The following SBF2 variants were observed in gnomAD, a reference collection of about 807,000 sequenced individuals.
The protein encoded by SBF2 is myotubularin-related protein 13.
In SBF2, 112 loss-of-function variants were observed where a neutral mutation model predicts 225.2. The observed-to-expected ratio is 0.50, with a 90% CI of 0.43 to 0.58. SBF2 has a LOEUF of 0.58. Among genes scored for constraint, SBF2 ranks in the 20% least tolerant of loss-of-function variants. The probability of loss-of-function intolerance (pLI) is 0.00; values close to 1 mark genes in which losing one functional copy is unlikely to be tolerated. For synonymous variants in SBF2, 763 were observed against 773.3 expected (o/e 0.99, Z 0.22); for missense variants, 1,996 against 2,206.2 (o/e 0.90, Z 1.91).
chr11:10,057,100 C>T (rs1172959945), intron 2 of SBF2, among the ~76,000 whole-genome samples: 1 of 152,180 alleles, frequency 6.6e-6, no homozygotes, highest in South Asian at 2.1e-4. Flanking sequence ...ACAGCCTTCA[C>T]TGGTGACACT....
intron 13 of SBF2, among the ~76,000 whole-genome samples, chr11:9,978,574 A>T (rs181930927): frequency 1.8e-3 from 279 of 152,306 alleles, no homozygotes; most frequent in Non-Finnish European, 3.0e-3. Flanking sequence ...CTTCACGATG[A>T]TCACTTTTAA....
chr11:10,135,117 C>A (rs1280144922), intron 2 of SBF2, among the ~76,000 whole-genome samples: 1 of 152,224 alleles, frequency 6.6e-6, no homozygotes, highest in East Asian at 1.9e-4. Flanking sequence ...AGGCTCAACA[C>A]CGCGTTGAAG....
intron 26 of SBF2, chr11:9,838,328 AT>A (rs1275204310): frequency 6.6e-6 from 1 of 152,090 alleles, no homozygotes; most frequent in African/African-American, 2.4e-5. Flanking sequence ...ATCTATTAAA[AT>A]TTTATTTTAC....
intron 32 of SBF2, among the ~76,000 whole-genome samples, chr11:9,804,238 G>C (rs1244494982): frequency 6.6e-6 from 1 of 152,160 alleles, no homozygotes; most frequent in Admixed American, 6.5e-5. Flanking sequence ...AAAACGAAAA[G>C]CCTGCATTAC....
At chr11:10,056,758 A>G in intron 2 of SBF2, among the ~76,000 whole-genome samples, 1 of 151,770 alleles carries the variant, frequency 6.6e-6, no homozygotes, top group Non-Finnish European at 1.5e-5. Context: ...CAGCCAACAG[A>G]GAACTGAATT....
chr11:10,134,207 G>A (rs1212836083), intron 2 of SBF2, among the ~76,000 whole-genome samples: 1 of 152,166 alleles, frequency 6.6e-6, no homozygotes, highest in Non-Finnish European at 1.5e-5. Context: ...CAGATCTCAT[G>A]AGACTTATTC....
chr11:10,257,664 CAAAAA>C (rs58743421), intron 1 of SBF2, among the ~76,000 whole-genome samples: 1 of 39,058 alleles, frequency 2.6e-5, no homozygotes, highest in Non-Finnish European at 4.0e-5. Flanking sequence ...GGCCTTGCCT[CAAAAA>C]AAAAAAAAAA....
At chr11:10,200,899 T>C (rs1222545706) in intron 1 of SBF2, among the ~76,000 whole-genome samples, 1 of 152,192 alleles carries the variant, frequency 6.6e-6, no homozygotes, top group Non-Finnish European at 1.5e-5. Context: ...TCATCAATAT[T>C]GGCATAAGTC....
chr11:9,962,151 G>A lies in SBF2; in HGVS notation c.1711-45C>T, dbSNP rs183340902. 2.0e-4 allele frequency: 307 copies of A among 1,570,192 alleles called. 2 individuals carry two copies. In the East Asian group the frequency reaches 2.4e-3, roughly 12 times the overall value. On this transcript the variant is annotated intron_variant, in intron 15 of 39. Coordinates refer to ENST00000256190, the MANE Select transcript of SBF2 (RefSeq NM_030962.4). ...AAATGACCAAATGGTACCACTGGGG[G>A]AAACAACAACTTTCAAACAATCATC... is the stretch of plus-strand genomic sequence containing the variant.
intron 16 of SBF2, among the ~76,000 whole-genome samples, chr11:9,904,232 G>A (rs1034994962): frequency 1.3e-5 from 2 of 151,780 alleles, no homozygotes; most frequent in African/African-American, 4.8e-5. Context: ...TAAAACTTAA[G>A]GATACACGAA....
intron 2 of SBF2, among the ~76,000 whole-genome samples, chr11:10,074,997 C>T (rs750260521): frequency 8.5e-5 from 13 of 152,136 alleles, no homozygotes; most frequent in Non-Finnish European, 1.3e-4. Context: ...ACATTTAAAG[C>T]TGTCAAACAA....
At position 10,191,571 on chromosome 11, in the gene SBF2, T is replaced by C. The variant is rs566416534; in HGVS notation, c.141+2331A>G. Among the ~76,000 whole-genome samples, 87 of 152,340 alleles carry C rather than the reference T, an allele frequency of 5.7e-4. No individual in the cohort carries two copies. In the South Asian group the frequency reaches 0.017, roughly 30 times the overall value. Reference sequence around the variant, plus strand: ...TGACGTAATCCAACAGATTACTCTTTAAATATTAATCTAGCCCAACAAATC... The same window carrying C: ...TGACGTAATCCAACAGATTACTCTTCAAATATTAATCTAGCCCAACAAATC... On this transcript the variant is annotated intron_variant, in intron 2 of 39. Coordinates refer to ENST00000256190, the MANE Select transcript of SBF2 (RefSeq NM_030962.4).
intron 2 of SBF2, among the ~76,000 whole-genome samples, chr11:10,139,581 C>T (rs764718020): frequency 6.6e-6 from 1 of 152,194 alleles, no homozygotes; most frequent in Non-Finnish European, 1.5e-5. Context: ...CCCAGTTTTA[C>T]ATTAGACTGC....
intron 2 of SBF2, among the ~76,000 whole-genome samples, chr11:10,144,480 C>T (rs1328236647): frequency 1.3e-5 from 2 of 151,588 alleles, no homozygotes; most frequent in African/African-American, 4.8e-5. Context: ...AGAGCAAGAC[C>T]CTATCTCAAA....
intron 6 of SBF2, among the ~76,000 whole-genome samples, chr11:10,012,055 T>C (rs535108477): frequency 6.6e-6 from 1 of 152,372 alleles, no homozygotes; most frequent in Admixed American, 6.5e-5. Context: ...TTTTTTATAT[T>C]GGATCATTTC....
intron 1 of SBF2, among the ~76,000 whole-genome samples, chr11:10,276,497 T>C (rs1962968060): frequency 6.6e-6 from 1 of 152,356 alleles, no homozygotes; most frequent in East Asian, 1.9e-4. Context: ...ATTGAGAATC[T>C]ACTCACTGTT....
chr11:10,293,276 G>A (rs534975735), intron 1 of SBF2, among the ~76,000 whole-genome samples: 1 of 152,318 alleles, frequency 6.6e-6, no homozygotes, highest in South Asian at 2.1e-4. Context: ...CAATGCATTT[G>A]CCCAATTGTT....
intron 2 of SBF2, among the ~76,000 whole-genome samples, chr11:10,066,305 G>C (rs1404685763): frequency 6.6e-6 from 1 of 151,166 alleles, no homozygotes. Flanking sequence ...GAACACAGTT[G>C]TAAAAATACT....
intron 16 of SBF2, among the ~76,000 whole-genome samples, chr11:9,931,249 A>C (rs1421992790): frequency 6.6e-6 from 1 of 152,268 alleles, no homozygotes; most frequent in Admixed American, 6.5e-5. Context: ...TGAAGAGAGC[A>C]GTGGTTCTTC....
Sources: gnomAD v4.1 joint callset for allele counts (sites outside exome capture counted in the v4.1 genomes callset) on GRCh38, gnomAD v4.1.1 for gene constraint, MANE v1.5 for transcripts, NCBI Gene and HGNC (gene_info 2026-07-23, HGNC 2026-07-21) for gene names.